GALNT13: variants seen among roughly 807,000 people sequenced by gnomAD.
The protein encoded by GALNT13 is UDP-GalNAc:polypeptide N-acetylgalactosaminyltransferase 13.
In GALNT13, 28 loss-of-function variants were observed where a neutral mutation model predicts 64.2. That is an observed-to-expected ratio of 0.44 (90% CI 0.32 to 0.60). GALNT13 has a LOEUF of 0.60. Ranked by LOEUF, GALNT13 falls within the 20% of genes least tolerant of loss-of-function variation. The pLI, the probability that GALNT13 is intolerant of heterozygous loss-of-function variation, is 0.05. For missense variants in GALNT13, 577 were observed against 669.8 expected, an observed-to-expected ratio of 0.86 and a Z score of 1.53; for synonymous variants, 214 against 224.6, an observed-to-expected ratio of 0.95 and a Z score of 0.42.
the GALNT13 span, among the ~76,000 whole-genome samples, chr2:153,858,701 C>A: frequency 6.6e-6 from 1 of 151,986 alleles, no homozygotes; most frequent in Middle Eastern, 3.4e-3. Context: ...ATAGAAAAAA[C>A]CTAGTTTATA....
At chr2:154,019,697 T>G (rs550778458) in intron 3 of GALNT13, among the ~76,000 whole-genome samples, 1,705 of 151,366 alleles carry the variant, frequency 0.011, 41 homozygotes, top group African/African-American at 0.038. Flanking sequence ...TTTTGTTTTT[T>G]TTGTTTTTTT....
chr2:154,313,038 A>C, intron 9 of GALNT13, among the ~76,000 whole-genome samples: 1 of 145,930 alleles, frequency 6.9e-6, no homozygotes, highest in South Asian at 2.1e-4. Flanking sequence ...AAAATATTGA[A>C]TTGAAGATGG....
chr2:153,910,472 G>T (rs1688863268), intron 2 of GALNT13, among the ~76,000 whole-genome samples: 1 of 152,098 alleles, frequency 6.6e-6, no homozygotes, highest in East Asian at 1.9e-4. Context: ...CTGGTCTTCT[G>T]CTAGCTTTGG....
chr2:153,258,182 C>CT, the GALNT13 span, among the ~76,000 whole-genome samples: 3 of 152,142 alleles, frequency 2.0e-5, no homozygotes, highest in African/African-American at 7.2e-5. Context: ...TCTTATTGGG[C>CT]TTTATGCAAA....
chr2:153,998,324 T>C (rs114275329), intron 3 of GALNT13, among the ~76,000 whole-genome samples: 9,651 of 152,288 alleles, frequency 0.063, 405 homozygotes, highest in Middle Eastern at 0.13. Context: ...TGACCTTTAA[T>C]GATCACCATT....
the GALNT13 span, among the ~76,000 whole-genome samples, chr2:153,535,669 TA>T: frequency 6.6e-6 from 1 of 152,212 alleles, no homozygotes; most frequent in African/African-American, 2.4e-5. Flanking sequence ...GGGAAAGTGG[TA>T]AAAGTATTGT....
intron 9 of GALNT13, among the ~76,000 whole-genome samples, chr2:154,386,650 T>C (rs1382583363): frequency 6.6e-6 from 1 of 152,098 alleles, no homozygotes; most frequent in Non-Finnish European, 1.5e-5. Context: ...AATGCTGAAA[T>C]ATACAGCTAT....
chr2:153,241,815 TTTG>T, the GALNT13 span, among the ~76,000 whole-genome samples: 4 of 151,836 alleles, frequency 2.6e-5, no homozygotes, highest in Admixed American at 6.6e-5. Context: ...ATAGAAAGAA[TTTG>T]TCTTTCTGTA....
chr2:153,844,798 C>T, the GALNT13 span, among the ~76,000 whole-genome samples: 1 of 152,180 alleles, frequency 6.6e-6, no homozygotes, highest in Non-Finnish European at 1.5e-5. Flanking sequence ...GAATGCTTTG[C>T]TGCTTAGATA....
chr2:154,253,271 C>T (rs915075377), intron 7 of GALNT13, among the ~76,000 whole-genome samples: 2 of 152,040 alleles, frequency 1.3e-5, no homozygotes, highest in African/African-American at 2.4e-5. Flanking sequence ...GGTCTCATTA[C>T]CTCTATACAG....
the GALNT13 span, among the ~76,000 whole-genome samples, chr2:153,439,117 A>T: frequency 6.6e-6 from 1 of 152,116 alleles, no homozygotes; most frequent in South Asian, 2.1e-4. Context: ...TATCAGCAGC[A>T]GTGGCTCCAG....
At chr2:153,822,227 C>T in the GALNT13 span, among the ~76,000 whole-genome samples, 1 of 152,088 alleles carries the variant, frequency 6.6e-6, no homozygotes, top group Non-Finnish European at 1.5e-5. Context: ...TTCTGTAACC[C>T]ATTCCACAAA....
the GALNT13 span, among the ~76,000 whole-genome samples, chr2:153,248,495 T>G: frequency 8.3e-6 from 1 of 119,808 alleles, no homozygotes; most frequent in African/African-American, 3.6e-5. Context: ...AGAAAAGGCG[T>G]GAGATAAAAT....
intron 11 of GALNT13, among the ~76,000 whole-genome samples, chr2:154,438,256 T>C (rs960154467): frequency 4.5e-4 from 69 of 152,340 alleles, no homozygotes; most frequent in African/African-American, 1.6e-3. Flanking sequence ...TTCACTGAGC[T>C]CCATGCAGTT....
chr2:153,205,370 C>T, the GALNT13 span, among the ~76,000 whole-genome samples: 1 of 152,048 alleles, frequency 6.6e-6, no homozygotes, highest in Non-Finnish European at 1.5e-5. Flanking sequence ...GTCTTCTCAA[C>T]TTTGTCCTAA....
the GALNT13 span, among the ~76,000 whole-genome samples, chr2:153,116,315 G>C: frequency 1.3e-5 from 2 of 152,094 alleles, no homozygotes; most frequent in African/African-American, 2.4e-5. Context: ...TTATAACAAA[G>C]TAAATGAGAC....
At chr2:154,003,010 T>C (rs1345014622) in intron 3 of GALNT13, among the ~76,000 whole-genome samples, 1 of 152,108 alleles carries the variant, frequency 6.6e-6, no homozygotes. Flanking sequence ...AGTTAGGGGA[T>C]TCTTGACACA....
At chr2:154,170,798 A>G (rs888523973) in intron 4 of GALNT13, among the ~76,000 whole-genome samples, 5 of 152,214 alleles carry the variant, frequency 3.3e-5, no homozygotes, top group Non-Finnish European at 5.9e-5. Context: ...AAATGAGTAA[A>G]TATTAAAATG....
chr2:154,075,627 C>T (rs945140910), intron 3 of GALNT13, among the ~76,000 whole-genome samples: 3 of 151,586 alleles, frequency 2.0e-5, no homozygotes, highest in East Asian at 1.9e-4. Context: ...TGAATATATC[C>T]GTAATTCCTT....
Sources: allele counts gnomAD v4.1 joint callset (sites outside exome capture counted in the v4.1 genomes callset), GRCh38; gene constraint gnomAD v4.1.1; transcripts MANE v1.5; gene names NCBI Gene and HGNC (gene_info 2026-07-23, HGNC 2026-07-21).